FCMR: variants seen among roughly 807,000 people sequenced by gnomAD.
The protein encoded by FCMR is Fc mu receptor, also known as immunoglobulin mu Fc receptor.
FCMR carries 34 observed loss-of-function variants against 41.6 expected under a neutral mutation model. That is an observed-to-expected ratio of 0.82 (90% CI 0.62 to 1.09). The LOEUF (loss-of-function observed/expected upper bound fraction) is 1.09. Among genes scored for constraint, FCMR ranks in the 50% least tolerant of loss-of-function variants. The pLI is 0.00. For missense variants in FCMR, 496 were observed against 512.5 expected (o/e 0.97, Z 0.31); for synonymous variants, 209 against 211.8 (o/e 0.99, Z 0.12).
At chr1:206,919,555 C>T (rs937543855) in intron 1 of FCMR, among the ~76,000 whole-genome samples, 6 of 152,082 alleles carry the variant, frequency 3.9e-5, no homozygotes, top group African/African-American at 1.4e-4. Flanking sequence ...GTGATCACAC[C>T]ACTGCATTCC....
In FCMR at chr1:206,914,065, C is replaced by T; in HGVS notation, c.67G>A (p.Val23Ile). 1 of 1,614,082 alleles carries T rather than the reference C, an allele frequency of 6.2e-7. No homozygotes were observed. The highest frequency in any genetic ancestry group is 8.5e-7 in the Non-Finnish European group (1 of 1,179,942). ...CCGCCCAGCTCCCCCTCTACCTTTACTTCTGGGAGGATCCTCAGGGCCCCC... is the reference window on the plus strand; with the variant it reads ...CCGCCCAGCTCCCCCTCTACCTTTATTTCTGGGAGGATCCTCAGGGCCCCC... ...VSGALRILPE[V>I]KVEGELGGSV... is the part of the protein sequence containing the mutation. The change falls in exon 2 of 8, where the codon GTA becomes ATA. Residue 23 changes from valine to isoleucine, a missense_variant. Transcript: ENST00000367091.
At chr1:206,907,497 T>G in intron 7 of FCMR, 9 of 412,798 alleles carry the variant, frequency 2.2e-5, no homozygotes, top group African/African-American at 2.1e-5. Flanking sequence ...GTCTGAGCCT[T>G]TATTTGGGGA....
chr1:206,912,044 T>G, intron 3 of FCMR, 92 bp from the exon 4 acceptor site: 1 of 973,836 alleles, frequency 1.0e-6, no homozygotes, highest in South Asian at 1.5e-5. Flanking sequence ...AACATACCCT[T>G]CCCTTTTATA....
Position 206,909,394 on chromosome 1 carries a change from GT to G in FCMR, c.1044+67del, listed in dbSNP as rs1678817172. The G allele has an allele frequency of 2.0e-6, 2 of 1,002,854 alleles. No homozygotes were observed. Among genetic ancestry groups the G allele is most frequent in the Non-Finnish European group, 2.6e-6 (2 of 778,234 alleles). 62.1% of individuals were successfully genotyped at this position (1,002,854 alleles called of 1,614,324 possible). On this transcript the variant is annotated intron_variant, in intron 7 of 7. Coordinates refer to ENST00000367091, the MANE Select transcript of FCMR (RefSeq NM_005449.5). This position sits in a 1 kb window ranked among gnomAD's most constrained non-coding sequence, Gnocchi z 5.0. The stretch of plus-strand genomic sequence containing the variant: ...CGGCGGCGCGGGAAGCCACACTCGG[GT>G]CCCCGCCCAGGGCTGGGGCCGCCCA...
chr1:206,920,032 C>T (rs1417604837), intron 1 of FCMR, among the ~76,000 whole-genome samples: 1 of 152,324 alleles, frequency 6.6e-6, no homozygotes, highest in East Asian at 1.9e-4. Context: ...GAACTTATCA[C>T]TGAATAAACC....
chr1:206,906,633 T>C (rs970786377), intron 7 of FCMR, among the ~76,000 whole-genome samples: 15 of 152,200 alleles, frequency 9.9e-5, no homozygotes, highest in African/African-American at 3.4e-4. Flanking sequence ...GAAGCTATAA[T>C]AATGAGTCAT....
At chr1:206,906,920 A>G (rs1678672027) in intron 7 of FCMR, among the ~76,000 whole-genome samples, 1 of 151,944 alleles carries the variant, frequency 6.6e-6, no homozygotes, top group Admixed American at 6.6e-5. Context: ...ATATTTTCGA[A>G]GCAAGCTGCT....
At chr1:206,922,489 C>T (rs1483810183), upstream of FCMR, among the ~76,000 whole-genome samples, 2 of 152,196 alleles carry the variant, frequency 1.3e-5, no homozygotes, top group Non-Finnish European at 2.9e-5. Flanking sequence ...AGGAAATAAA[C>T]GAAGCTGGGA....
intron 1 of FCMR, chr1:206,921,583 A>C: frequency 2.2e-5 from 13 of 581,842 alleles, no homozygotes; most frequent in Non-Finnish European, 2.2e-5. Flanking sequence ...CCTGGGTGAT[A>C]GAGTTAACAC....
chr1:206,921,452 T>C (rs1192625688), intron 1 of FCMR: 1 of 420,188 alleles, frequency 2.4e-6, no homozygotes, highest in Non-Finnish European at 4.7e-6. Flanking sequence ...AAATTAAAAA[T>C]TAGCTGGGCA....
chr1:206,908,815 G>T (rs367642080), intron 7 of FCMR, among the ~76,000 whole-genome samples: 1 of 152,108 alleles, frequency 6.6e-6, no homozygotes, highest in South Asian at 2.1e-4. Flanking sequence ...CTGCTTTAGA[G>T]AATAAAAAGC....
rs559575559 is a variant in FCMR, at chr1:206,909,808, C to T, written c.902G>A (p.Arg301Lys). ...VRMRALESSQ[R>K]PRGSPRPRSQ... ...GCGCGGTCGCGGCGACCCGCGGGGC[C>T]TCTGGGAGCTCTCCAGGGCGCGCAT... Residue 301 changes from arginine to lysine, a missense_variant, in exon 6 of 8, where the codon AGG (arginine) becomes AAG (lysine). Transcript: ENST00000367091. This position sits in a 1 kb window ranked among gnomAD's most constrained non-coding sequence, Gnocchi z 5.0. The T allele has an allele frequency of 3.5e-6, 5 of 1,425,958 alleles. No individual in the cohort carries two copies. Among genetic ancestry groups the T allele is most frequent in the Non-Finnish European group, 4.5e-6 (5 of 1,099,414 alleles). The allele number at this position is 1,425,958 out of a possible 1,614,324, so 88.3% of individuals were successfully genotyped here.
At chr1:206,917,801 T>TC (rs1183907637) in intron 1 of FCMR, 1 of 454,560 alleles carries the variant, frequency 2.2e-6, no homozygotes, top group African/African-American at 2.0e-5. Context: ...GAATTTTTTT[T>TC]TTTTTTTTAG....
At chr1:206,914,980 A>G (rs1392938583) in intron 1 of FCMR, among the ~76,000 whole-genome samples, 1 of 152,242 alleles carries the variant, frequency 6.6e-6, no homozygotes, top group Non-Finnish European at 1.5e-5. Context: ...AACAGCATAG[A>G]GCCCCCACGT....
rs2102564032 is a variant in FCMR at position 206,914,059 on chromosome 1, C to T, written c.73G>A (p.Val25Ile). The change falls in exon 2 of 8, where the codon GTA (valine) becomes ATA (isoleucine). Residue 25 changes from valine to isoleucine, a missense_variant. By Grantham distance (29) the Val-to-Ile change is conservative (BLOSUM62 3). Coordinates refer to ENST00000367091, the MANE Select transcript of FCMR (RefSeq NM_005449.5). ...ACTGATCCGCCCAGCTCCCCCTCTA[C>T]CTTTACTTCTGGGAGGATCCTCAGG... Reference protein sequence around the residue: ...GALRILPEVKVEGELGGSVTI... With the variant: ...GALRILPEVKIEGELGGSVTI... The T allele has an allele frequency of 6.2e-7, 1 of 1,614,144 alleles. No individual in the cohort carries two copies.
At position 206,911,964 on chromosome 1, in the gene FCMR, A is replaced by G. The variant is rs1258907026; in HGVS notation, c.488-12T>C. 6.3e-7 allele frequency: 1 copy of G among 1,598,922 alleles called. No individual in the cohort carries two copies. The highest frequency in any genetic ancestry group is 2.2e-5 in the East Asian group (1 of 44,772). ...AGCTGGTGTGGTAACTGCAGGAGGT[A>G]GCAGGAAAAAGGGATGTTCCTTTTA... On this transcript the variant is annotated splice_polypyrimidine_tract_variant and intron_variant, in intron 3 of 7. Transcript: ENST00000367091.
Position 206,903,631 on chromosome 1 carries a change from T to C in FCMR, c.*1388A>G, listed in dbSNP as rs1678490556. 1 of 152,890 alleles carries C rather than the reference T, an allele frequency of 6.5e-6. No homozygotes were observed. The highest frequency in any genetic ancestry group is 2.4e-5 in the African/African-American group (1 of 41,418). The allele number at this position is 152,890 out of a possible 1,614,324, so 9.5% of individuals were successfully genotyped here. ...TGAAAAGTAAACGATAAAATGTGGATTAAAGTGCCCAGCACAAAGCAGATC... is the reference window on the plus strand; with the variant it reads ...TGAAAAGTAAACGATAAAATGTGGACTAAAGTGCCCAGCACAAAGCAGATC... On this transcript the variant is annotated 3_prime_UTR_variant, in exon 8 of 8. Transcript: ENST00000367091.
rs1456684220 is a variant in FCMR at position 206,903,445 on chromosome 1, G to A, written c.*1574C>T. 1 of 176,118 alleles carries A rather than the reference G, an allele frequency of 5.7e-6. No homozygotes were observed. Among genetic ancestry groups the A allele is most frequent in the Admixed American group, 5.6e-5 (1 of 17,860 alleles). 10.9% of individuals were successfully genotyped at this position (176,118 alleles called of 1,614,324 possible). On this transcript the variant is annotated 3_prime_UTR_variant, in exon 8 of 8. Coordinates refer to ENST00000367091, the MANE Select transcript of FCMR (RefSeq NM_005449.5). Reference sequence around the variant, plus strand: ...GGGGCAGTGGATGGGTGCTTAGTAAGTACTTAATAAACTGTGGTGCTTTTT... The same window carrying A: ...GGGGCAGTGGATGGGTGCTTAGTAAATACTTAATAAACTGTGGTGCTTTTT...
At position 206,910,217 on chromosome 1, in the gene FCMR, C is replaced by T. The variant is rs770843304; in HGVS notation, c.834G>A (p.Arg278=). 1.2e-6 allele frequency: 2 copies of T among 1,601,986 alleles called. No individual in the cohort carries two copies. Among genetic ancestry groups the T allele is most frequent in the Non-Finnish European group, 1.7e-6 (2 of 1,175,282 alleles). Residue 278 remains arginine, a synonymous_variant, in exon 5 of 8, where the codon AGG becomes AGA. Transcript: ENST00000367091. ...CGAAGCCCAGCCGCTCACCTTTCCTCCTTTCAACGGCCCTTTTCACCACCA... is the reference window on the plus strand; with the variant it reads ...CGAAGCCCAGCCGCTCACCTTTCCTTCTTTCAACGGCCCTTTTCACCACCA... The part of the protein sequence containing the change: ...LGLVVKRAVE[R]RKALSRRARR...
Sources: allele counts gnomAD v4.1 joint callset (sites outside exome capture counted in the v4.1 genomes callset), GRCh38; gene constraint gnomAD v4.1.1; non-coding constraint Gnocchi (gnomAD v3.1); transcripts MANE v1.5; gene names NCBI Gene and HGNC (gene_info 2026-07-23, HGNC 2026-07-21).